Variants in DLGAP2 observed in about 807,000 individuals in gnomAD.
DLGAP2 encodes the protein DLG associated protein 2, also known as disks large-associated protein 2.
Under a neutral mutation model 100.3 loss-of-function variants are expected in DLGAP2, and 26 were observed. The ratio of observed to expected loss-of-function variants is 0.26; its 90% CI spans 0.19 to 0.36. The LOEUF (loss-of-function observed/expected upper bound fraction) is 0.36. Ranked by LOEUF, DLGAP2 falls within the 10% of genes least tolerant of loss-of-function variation. The pLI is 1.00. For synonymous variants in DLGAP2, 886 were observed against 630.1 expected (o/e 1.41, Z -6.08); for missense variants, 1,858 against 1,453.2 (o/e 1.28, Z -4.53).
chr8:1,408,669 G>A (rs1280932170), intron 3 of DLGAP2, among the ~76,000 whole-genome samples: 1 of 152,136 alleles, frequency 6.6e-6, no homozygotes. Context: ...GGATGTTTGA[G>A]GCCTTCTAGC....
rs866133174 is a variant in DLGAP2 at position 1,166,434 on chromosome 8, G to A, written c.74-92417G>A. Among the ~76,000 whole-genome samples the A allele has an allele frequency of 9.8e-5, 15 of 152,306 alleles. No individual in the cohort carries two copies. The Middle Eastern group carries it at 0.01, about 104-fold the overall frequency. ...CTGATAGCTCAAGCTCTTACCCTCT[G>A]TTCGTCTCCAGGAAGGAGTGGGCAG... On this transcript the variant is annotated intron_variant, in intron 2 of 14. Transcript: ENST00000637795.
intron 12 of DLGAP2, among the ~76,000 whole-genome samples, chr8:1,679,917 T>C (rs1798903580): frequency 7.1e-6 from 1 of 140,394 alleles, no homozygotes; most frequent in African/African-American, 2.7e-5. Flanking sequence ...GAGGCAGAGG[T>C]TGCAGTGAGT....
At chr8:834,205 C>T (rs1353312590) in intron 1 of DLGAP2, among the ~76,000 whole-genome samples, 1 of 152,216 alleles carries the variant, frequency 6.6e-6, no homozygotes, top group East Asian at 1.9e-4. Flanking sequence ...AGACCATGGG[C>T]TGACGAGTCC....
chr8:740,655 C>A (rs754322578), intron 1 of DLGAP2, among the ~76,000 whole-genome samples: 8 of 152,134 alleles, frequency 5.3e-5, no homozygotes, highest in African/African-American at 1.7e-4. Context: ...GCTCTAATAT[C>A]TTTTTAAGGG....
chr8:1,387,468 G>A (rs891303283), intron 3 of DLGAP2, among the ~76,000 whole-genome samples: 14 of 152,220 alleles, frequency 9.2e-5, no homozygotes, highest in African/African-American at 3.1e-4. Context: ...GCAGTCTGGT[G>A]CACGGGGGCT....
chr8:1,110,647 G>A (rs918085394), intron 2 of DLGAP2, among the ~76,000 whole-genome samples: 4 of 152,070 alleles, frequency 2.6e-5, no homozygotes, highest in African/African-American at 9.7e-5. Context: ...CTGAAATTAG[G>A]GGAAAACAAT....
At chr8:1,389,679 C>G (rs1161354176) in intron 3 of DLGAP2, among the ~76,000 whole-genome samples, 1 of 152,084 alleles carries the variant, frequency 6.6e-6, no homozygotes, top group Non-Finnish European at 1.5e-5. Flanking sequence ...AGCGGAGAGA[C>G]AAGCACTGCC....
At chr8:1,355,005 G>A (rs1185774833) in intron 3 of DLGAP2, among the ~76,000 whole-genome samples, 62 of 110,102 alleles carry the variant, frequency 5.6e-4, no homozygotes, top group East Asian at 1.3e-3. Flanking sequence ...CTGCGGATGA[G>A]GGTGGAAAGT....
intron 2 of DLGAP2, among the ~76,000 whole-genome samples, chr8:1,194,513 G>A (rs746327817): frequency 6.6e-6 from 1 of 152,080 alleles, no homozygotes; most frequent in African/African-American, 2.4e-5. Context: ...GGTCCCTCTG[G>A]GTCACTCCTT....
At chr8:1,635,269 T>G (rs114968508) in intron 8 of DLGAP2, among the ~76,000 whole-genome samples, 254 of 152,324 alleles carry the variant, frequency 1.7e-3, no homozygotes, top group African/African-American at 5.8e-3. Context: ...ACTCCCAGTC[T>G]GGGAAAACAA....
chr8:1,178,804 C>T (rs978356234), intron 2 of DLGAP2, among the ~76,000 whole-genome samples: 13 of 152,170 alleles, frequency 8.5e-5, no homozygotes, highest in African/African-American at 3.1e-4. Context: ...GTCAGCTGTG[C>T]CCACCGCCAG....
intron 3 of DLGAP2, among the ~76,000 whole-genome samples, chr8:1,458,004 ATATATATAT>A (rs2130139978): frequency 1.1e-5 from 1 of 94,584 alleles, no homozygotes; most frequent in Non-Finnish European, 2.2e-5. Flanking sequence ...ATATATATAT[ATATATATAT>A]AATTTTTTAT....
intron 3 of DLGAP2, among the ~76,000 whole-genome samples, chr8:1,487,555 G>A (rs1260341517): frequency 6.6e-6 from 1 of 152,210 alleles, no homozygotes. Flanking sequence ...TGAAGTGAAG[G>A]ATGTGCTTTG....
At chr8:1,303,711 G>A (rs1250374921) in intron 3 of DLGAP2, among the ~76,000 whole-genome samples, 2 of 152,106 alleles carry the variant, frequency 1.3e-5, no homozygotes, top group African/African-American at 2.4e-5. Flanking sequence ...TGGGAGGCAC[G>A]GGTGCTTCCT....
Position 1,672,503 on chromosome 8 carries a change from C to T in DLGAP2, c.2202+2719C>T, listed in dbSNP as rs1798716103. Reference sequence around the variant, plus strand: ...TCAGCCTCCCCAAGTGCTGGGATTACAGGCATGAGCCTCCATGCCCAGCCA... The same window carrying T: ...TCAGCCTCCCCAAGTGCTGGGATTATAGGCATGAGCCTCCATGCCCAGCCA... On this transcript the variant is annotated intron_variant, in intron 10 of 14. Coordinates refer to ENST00000637795, the MANE Select transcript of DLGAP2 (RefSeq NM_001346810.2). Among the ~76,000 whole-genome samples the T allele has an allele frequency of 3.9e-5, 6 of 152,346 alleles. No homozygotes were observed. The South Asian group carries it at 1.2e-3, about 32-fold the overall frequency.
chr8:927,315 A>C (rs889197917), intron 2 of DLGAP2: 154 of 845,886 alleles, frequency 1.8e-4, no homozygotes, highest in Non-Finnish European at 2.2e-4. Flanking sequence ...TTCTTACTTG[A>C]ACATGTTGAT....
intron 2 of DLGAP2, among the ~76,000 whole-genome samples, chr8:1,215,367 A>G (rs192859546): frequency 1.3e-5 from 2 of 152,340 alleles, no homozygotes; most frequent in African/African-American, 2.4e-5. Context: ...TCTAAAGCTA[A>G]TCGTGCAGGT....
intron 3 of DLGAP2, among the ~76,000 whole-genome samples, chr8:1,442,749 C>G (rs1357304857): frequency 6.8e-6 from 1 of 147,946 alleles, no homozygotes; most frequent in Non-Finnish European, 1.5e-5. Flanking sequence ...GTGGGTTCAG[C>G]CACTGGAGGA....
intron 12 of DLGAP2, among the ~76,000 whole-genome samples, chr8:1,682,960 C>G (rs1456960008): frequency 6.6e-6 from 1 of 151,368 alleles, no homozygotes; most frequent in African/African-American, 2.4e-5. Context: ...TTTGAGCCAT[C>G]AGGATCCTCC....
Sources: gnomAD v4.1 joint callset for allele counts (sites outside exome capture counted in the v4.1 genomes callset) on GRCh38, gnomAD v4.1.1 for gene constraint, MANE v1.5 for transcripts, NCBI Gene and HGNC (gene_info 2026-07-23, HGNC 2026-07-21) for gene names.